Variants in RPGR observed in about 807,000 individuals in gnomAD.
RPGR encodes retinitis pigmentosa GTPase regulator.
In RPGR, 10 loss-of-function variants were observed where a neutral mutation model predicts 56.3. The observed-to-expected ratio is 0.18, with a 90% CI of 0.11 to 0.30. The LOEUF (loss-of-function observed/expected upper bound fraction) is 0.30, where lower values mean the gene tolerates loss of function less well. Among genes scored for constraint, RPGR ranks in the 10% least tolerant of loss-of-function variants. The pLI is 1.00. For synonymous variants in RPGR, 197 were observed against 212.9 expected (o/e 0.93, Z 0.65); for missense variants, 538 against 590.9 (o/e 0.91, Z 0.93).
chrX:38,316,281 C>CT (rs1011976152), intron 6 of RPGR, among the ~76,000 whole-genome samples: 12 of 100,987 alleles, frequency 1.2e-4, no homozygotes, highest in Non-Finnish European at 2.0e-4. Flanking sequence ...TAAAGCTGAG[C>CT]TTTTTTTAAT....
intron 17 of RPGR, chrX:38,273,658 C>T: frequency 2.8e-6 from 1 of 360,572 alleles, no homozygotes. Flanking sequence ...AGTGAAAAGC[C>T]CAGAATGACC....
In RPGR at chrX:38,291,449, T is replaced by C. The variant is rs1344105053; in HGVS notation, c.1450A>G (p.Ile484Val). The change falls in exon 12 of 19, where the codon ATA becomes GTA. Residue 484 changes from isoleucine to valine, a missense_variant. Coordinates refer to ENST00000642395, the MANE Select transcript of RPGR (RefSeq NM_000328.3). ...CTTTCTACAGTTGAAGAATTATCTA[T>C]CTCTGCTTCTTTGGTCATTTCATCT... The C allele has an allele frequency of 1.7e-6, 2 of 1,165,133 alleles. No homozygotes were observed. The highest frequency in any genetic ancestry group is 2.3e-6 in the Non-Finnish European group (2 of 854,993).
chrX:38,323,542 T>C lies in RPGR; in HGVS notation c.29-18A>G, dbSNP rs1466875067. 8.3e-7 allele frequency: 1 copy of C among 1,205,173 alleles called. No homozygotes were observed. The highest frequency in any genetic ancestry group is 1.1e-6 in the Non-Finnish European group (1 of 891,260). On this transcript the variant is annotated intron_variant, in intron 1 of 18. Coordinates refer to ENST00000642395, the MANE Select transcript of RPGR (RefSeq NM_000328.3). ...ACCCGAATCTGCAAATATAAGACGGTCTTTATTTTATAACTTTTACTATGT... is the reference window on the plus strand; with the variant it reads ...ACCCGAATCTGCAAATATAAGACGGCCTTTATTTTATAACTTTTACTATGT...
chrX:38,300,186 T>C lies in RPGR; in HGVS notation c.1060-1045A>G, dbSNP rs183266339. On this transcript the variant is annotated intron_variant, in intron 9 of 18. Coordinates refer to ENST00000642395, the MANE Select transcript of RPGR (RefSeq NM_000328.3). ...GCTGGTCTTGAACTCCTGACCTCAGTTGATCTGCACGCCTCGGCCTCCCAA... is the reference window on the plus strand; with the variant it reads ...GCTGGTCTTGAACTCCTGACCTCAGCTGATCTGCACGCCTCGGCCTCCCAA... 9.7e-3 allele frequency among the ~76,000 whole-genome samples: 1,077 copies of C among 111,504 alleles called. 16 individuals carry two copies. The highest frequency in any genetic ancestry group is 0.033 in the African/African-American group (1,011 of 30,690).
chrX:38,315,124 G>T (rs1476627816), intron 6 of RPGR, among the ~76,000 whole-genome samples: 1 of 111,466 alleles, frequency 9.0e-6, no homozygotes, highest in Non-Finnish European at 1.9e-5. Context: ...GAGGTCAGAA[G>T]TTCAAGACCA....
chrX:38,291,463 G>T lies in RPGR; in HGVS notation c.1436C>A (p.Thr479Asn). 8.7e-7 allele frequency: 1 copy of T among 1,153,639 alleles called. No homozygotes were observed. Among genetic ancestry groups the T allele is most frequent in the African/African-American group, 1.8e-5 (1 of 56,629 alleles). The change falls in exon 12 of 19, where the codon ACC (threonine) becomes AAC (asparagine). Residue 479 changes from threonine to asparagine, a missense_variant. Physicochemically the swap from Thr to Asn is moderately conservative, Grantham distance 65 (BLOSUM62 0). Coordinates refer to ENST00000642395, the MANE Select transcript of RPGR (RefSeq NM_000328.3). ...AGAATTATCTATCTCTGCTTCTTTG[G>T]TCATTTCATCTAGCAAATAATCTGA...
In RPGR at chrX:38,291,454, G is replaced by A. The variant is rs1569240928; in HGVS notation, c.1445C>T (p.Ala482Val). The change falls in exon 12 of 19, where the codon GCA (alanine) becomes GTA (valine). Residue 482 changes from alanine (A) to valine (V), a missense_variant. This residue lies in a region of RPGR where 357 missense variants were observed against 325.8 expected (regional missense o/e 1.10). Transcript: ENST00000642395. ...TACAGTTGAAGAATTATCTATCTCTGCTTCTTTGGTCATTTCATCTAGCAA... is the reference window on the plus strand; with the variant it reads ...TACAGTTGAAGAATTATCTATCTCTACTTCTTTGGTCATTTCATCTAGCAA... 6.1e-6 allele frequency: 7 copies of A among 1,156,135 alleles called. No homozygotes were observed. In the East Asian group the frequency reaches 2.1e-4, roughly 35 times the overall value.
At chrX:38,289,223 A>T (rs2067243652) in intron 13 of RPGR, among the ~76,000 whole-genome samples, 1 of 112,405 alleles carries the variant, frequency 8.9e-6, no homozygotes, top group African/African-American at 3.2e-5. Context: ...AAACTAAATA[A>T]TAATGAATAT....
chrX:38,310,862 C>A, intron 6 of RPGR, 89 bp from the exon 7 acceptor site: 3 of 778,866 alleles, frequency 3.9e-6, no homozygotes, highest in Non-Finnish European at 5.8e-6. Context: ...TGACAAGGAT[C>A]ACTTAATACA....
At chrX:38,295,179 TTTC>T (rs1388470704) in intron 11 of RPGR, among the ~76,000 whole-genome samples, 1 of 112,130 alleles carries the variant, frequency 8.9e-6, no homozygotes, top group Non-Finnish European at 1.9e-5. Context: ...TGGTTGTCCT[TTTC>T]TTCTTAACTG....
chrX:38,319,334 A>C (rs2067888172), intron 4 of RPGR, among the ~76,000 whole-genome samples: 1 of 112,981 alleles, frequency 8.9e-6, no homozygotes, highest in South Asian at 3.6e-4. Context: ...ATTTTAAAAG[A>C]GATGTGTCCA....
intron 12 of RPGR, 103 bp from the exon 13 acceptor site, chrX:38,291,127 T>TA (rs1569240691): frequency 2.7e-4 from 42 of 156,742 alleles, no homozygotes; most frequent in South Asian, 3.0e-4. Context: ...ATATATATTT[T>TA]TTTATATATA....
chrX:38,274,691 T>C (rs2066900124), intron 17 of RPGR, among the ~76,000 whole-genome samples: 1 of 111,492 alleles, frequency 9.0e-6, no homozygotes, highest in East Asian at 2.8e-4. Context: ...GGCACACGCC[T>C]GTAATCCCAG....
intron 8 of RPGR, 129 bp downstream of exon 8, chrX:38,304,506 C>A: frequency 1.9e-6 from 1 of 513,096 alleles, no homozygotes; most frequent in South Asian, 3.3e-5. Flanking sequence ...GAATAGTAAA[C>A]ATGGAATTCC....
chrX:38,276,752 A>T lies in RPGR; in HGVS notation c.1926T>A (p.Thr642=). 8.3e-7 allele frequency: 1 copy of T among 1,208,930 alleles called. No individual in the cohort carries two copies. Among genetic ancestry groups the T allele is most frequent in the Admixed American group, 2.2e-5 (1 of 45,992 alleles). The stretch of plus-strand genomic sequence containing the variant: ...CCACATCTTCTAGTTTTAGTTCCTC[A>T]GTTTTAGAAAATTCATGATCCTGTG... Residue 642 remains threonine, a synonymous_variant, in exon 16 of 19, where the codon ACT becomes ACA. Coordinates refer to ENST00000642395, the MANE Select transcript of RPGR (RefSeq NM_000328.3).
At chrX:38,288,266 G>C (rs2067224192) in intron 13 of RPGR, among the ~76,000 whole-genome samples, 1 of 111,843 alleles carries the variant, frequency 8.9e-6, no homozygotes, top group Non-Finnish European at 1.9e-5. Context: ...ACATGTATCT[G>C]TGTTTAATTT....
At chrX:38,293,158 G>C (rs185200501) in intron 11 of RPGR, among the ~76,000 whole-genome samples, 18 of 111,544 alleles carry the variant, frequency 1.6e-4, no homozygotes, top group Admixed American at 1.5e-3. Flanking sequence ...AGATCAGTCT[G>C]ATCAAAATTA....
rs5963403 is a variant in RPGR, at chrX:38,317,383, C to T, written c.552G>A (p.Gln184=). The T allele has an allele frequency of 1.7e-6, 2 of 1,207,619 alleles. No homozygotes were observed. Among genetic ancestry groups the T allele is most frequent in the Non-Finnish European group, 1.1e-6 (1 of 891,938 alleles). Residue 184 remains glutamine (Q), a synonymous_variant, in exon 6 of 19, where the codon CAG becomes CAA. Transcript: ENST00000642395. ...AGACAGGTTTCCCAATGGTCACTTGCTGAGGGACACAGACATTACTTACAT... is the reference window on the plus strand; with the variant it reads ...AGACAGGTTTCCCAATGGTCACTTGTTGAGGGACACAGACATTACTTACAT...
intron 7 of RPGR, among the ~76,000 whole-genome samples, chrX:38,309,183 T>G (rs1374357970): frequency 8.9e-6 from 1 of 112,062 alleles, no homozygotes; most frequent in Non-Finnish European, 1.9e-5. Flanking sequence ...ATACAGTGAT[T>G]AGAATCCTGA....
Sources: gnomAD v4.1 joint callset for allele counts (sites outside exome capture counted in the v4.1 genomes callset) on GRCh38, gnomAD v4.1.1 for gene constraint, gnomAD v4.1.1 regional missense constraint, MANE v1.5 for transcripts, NCBI Gene and HGNC (gene_info 2026-07-23, HGNC 2026-07-21) for gene names.